The following PRKD1 variants were observed in gnomAD, a reference collection of about 807,000 sequenced individuals.
PRKD1 encodes the protein protein kinase D1.
A neutral mutation model predicts 95.9 loss-of-function variants in PRKD1; 63 were observed. The observed-to-expected ratio is 0.66, with a 90% confidence interval of 0.54 to 0.81. The LOEUF is 0.81. Among genes scored for constraint, PRKD1 ranks in the 30% least tolerant of loss-of-function variants. The pLI, the probability that PRKD1 is intolerant of heterozygous loss-of-function variation, is 0.00. For synonymous variants in PRKD1, 425 were observed against 423.1 expected (o/e 1.00, Z -0.05); for missense variants, 1,048 against 1,165.3 (o/e 0.90, Z 1.47).
chr14:29,919,691 AGT>A (rs1895018009), intron 1 of PRKD1, among the ~76,000 whole-genome samples: 1 of 145,644 alleles, frequency 6.9e-6, no homozygotes, highest in African/African-American at 2.8e-5. Context: ...GGCTGAGCGC[AGT>A]GGCTCATACC....
chr14:29,765,316 G>C (rs1165093566), intron 1 of PRKD1, among the ~76,000 whole-genome samples: 1 of 152,062 alleles, frequency 6.6e-6, no homozygotes, highest in Non-Finnish European at 1.5e-5. Flanking sequence ...TTAATAATCA[G>C]GGAAATACAA....
At chr14:29,775,820 G>C (rs1307978879) in intron 1 of PRKD1, among the ~76,000 whole-genome samples, 1 of 152,156 alleles carries the variant, frequency 6.6e-6, no homozygotes, top group Non-Finnish European at 1.5e-5. Context: ...CATGGAGTTT[G>C]AGATCTGAGA....
intron 1 of PRKD1, among the ~76,000 whole-genome samples, chr14:29,822,026 C>T (rs553004977): frequency 6.6e-6 from 1 of 152,212 alleles, no homozygotes; most frequent in Non-Finnish European, 1.5e-5. Context: ...CTCAGCACAG[C>T]GACCAGGTTT....
At chr14:29,819,968 T>A (rs995553894) in intron 1 of PRKD1, among the ~76,000 whole-genome samples, 1 of 152,194 alleles carries the variant, frequency 6.6e-6, no homozygotes, top group Non-Finnish European at 1.5e-5. Flanking sequence ...TATTACTTTG[T>A]AGACTGTCAC....
chr14:29,810,663 T>C (rs1890444950), intron 1 of PRKD1, among the ~76,000 whole-genome samples: 2 of 152,258 alleles, frequency 1.3e-5, no homozygotes, highest in Non-Finnish European at 2.9e-5. Context: ...ATACACTTCA[T>C]TGGTCTTATT....
intron 1 of PRKD1, among the ~76,000 whole-genome samples, chr14:29,800,481 A>G (rs539114965): frequency 4.6e-5 from 7 of 152,342 alleles, no homozygotes; most frequent in African/African-American, 1.7e-4. Flanking sequence ...TGGATTCACC[A>G]CAATAACTTT....
chr14:29,879,224 T>C (rs551500738), intron 1 of PRKD1, among the ~76,000 whole-genome samples: 1 of 152,322 alleles, frequency 6.6e-6, no homozygotes, highest in Non-Finnish European at 1.5e-5. Flanking sequence ...GGTTTGACTA[T>C]GTCCCCACCC....
chr14:29,694,950 G>A (rs931361654), intron 2 of PRKD1, among the ~76,000 whole-genome samples: 2 of 151,988 alleles, frequency 1.3e-5, no homozygotes, highest in African/African-American at 2.4e-5. Context: ...AAGGACAGCC[G>A]GGCCAGGCAC....
intron 1 of PRKD1, among the ~76,000 whole-genome samples, chr14:29,782,459 C>G (rs527380188): frequency 6.6e-6 from 1 of 152,044 alleles, no homozygotes; most frequent in African/African-American, 2.4e-5. Context: ...AAACTTTGAA[C>G]GATTCTTTCT....
At chr14:29,680,627 C>T (rs1883487321) in intron 2 of PRKD1, among the ~76,000 whole-genome samples, 2 of 152,056 alleles carry the variant, frequency 1.3e-5, no homozygotes, top group African/African-American at 4.8e-5. Context: ...ATAAGAGGAA[C>T]ATTTGAAGGG....
intron 2 of PRKD1, among the ~76,000 whole-genome samples, chr14:29,686,676 G>A (rs1360162512): frequency 6.6e-6 from 1 of 152,144 alleles, no homozygotes; most frequent in East Asian, 1.9e-4. Context: ...CCAGGTGTAT[G>A]ACCTTAGATG....
At chr14:29,616,880 T>A (rs898245461) in intron 13 of PRKD1, among the ~76,000 whole-genome samples, 3 of 152,212 alleles carry the variant, frequency 2.0e-5, no homozygotes, top group Non-Finnish European at 2.9e-5. Flanking sequence ...GGGTTTGGTA[T>A]ACACTTGGTT....
chr14:29,589,519 G>T (rs1173031403), intron 16 of PRKD1, among the ~76,000 whole-genome samples: 1 of 152,162 alleles, frequency 6.6e-6, no homozygotes, highest in Non-Finnish European at 1.5e-5. Flanking sequence ...GGACATGATA[G>T]TTGAGTGACT....
intron 1 of PRKD1, among the ~76,000 whole-genome samples, chr14:29,881,841 C>A (rs1893525235): frequency 6.6e-6 from 1 of 152,098 alleles, no homozygotes; most frequent in Non-Finnish European, 1.5e-5. Flanking sequence ...CTTTACCTTT[C>A]CCTCCCCACC....
intron 1 of PRKD1, among the ~76,000 whole-genome samples, chr14:29,783,609 C>T (rs1028200364): frequency 9.9e-5 from 15 of 152,278 alleles, no homozygotes; most frequent in Admixed American, 3.9e-4. Flanking sequence ...AATTTACATT[C>T]CCATCAATAG....
chr14:29,826,772 C>CATATATACATAT (rs1891175859), intron 1 of PRKD1, among the ~76,000 whole-genome samples: 1 of 21,208 alleles, frequency 4.7e-5, no homozygotes, highest in East Asian at 1.5e-3. Flanking sequence ...TATATATACA[C>CATATATACATAT]ATATATATAC....
At chr14:29,650,843 TAGA>T (rs1320559373) in intron 4 of PRKD1, among the ~76,000 whole-genome samples, 1 of 152,226 alleles carries the variant, frequency 6.6e-6, no homozygotes, top group African/African-American at 2.4e-5. Context: ...AACAGAAACT[TAGA>T]GACCTTACAA....
At chr14:29,798,218 T>C (rs1329469937) in intron 1 of PRKD1, among the ~76,000 whole-genome samples, 2 of 152,220 alleles carry the variant, frequency 1.3e-5, no homozygotes, top group Non-Finnish European at 2.9e-5. Flanking sequence ...ATTTTTTTCT[T>C]TGAGAATTGC....
Position 29,826,669 on chromosome 14 carries a change from A to ATATG in PRKD1, c.264+100579_264+100580insCATA, listed in dbSNP as rs1180929389. 3.3e-5 allele frequency among the ~76,000 whole-genome samples: 3 copies of ATATG among 90,796 alleles called. 1 individual carries two copies. Among genetic ancestry groups the ATATG allele is most frequent in the Non-Finnish European group, 6.3e-5 (3 of 47,808 alleles). 59.6% of individuals were successfully genotyped at this position (90,796 alleles called of 152,430 possible). A position where few individuals can be genotyped will look rare whatever the true frequency, so the allele number is the denominator to read the frequency against. ...TATATATATGTGTGTGTGTGTATAT[A>ATATG]TGTGTATATATATATACACACATAT... is the stretch of plus-strand genomic sequence containing the variant. On this transcript the variant is annotated intron_variant, in intron 1 of 17. Coordinates refer to ENST00000331968, the MANE Select transcript of PRKD1 (RefSeq NM_002742.3).
Sources: gnomAD v4.1 joint callset for allele counts (sites outside exome capture counted in the v4.1 genomes callset) on GRCh38, gnomAD v4.1.1 for gene constraint, MANE v1.5 for transcripts, NCBI Gene and HGNC (gene_info 2026-07-23, HGNC 2026-07-21) for gene names.